The following CNTN4 variants were observed in gnomAD, a reference collection of about 807,000 sequenced individuals.
CNTN4 encodes the protein contactin 4.
In CNTN4, 77 loss-of-function variants were observed where a neutral mutation model predicts 122.5. The observed-to-expected ratio is 0.63, with a 90% CI of 0.52 to 0.76. CNTN4 has a LOEUF of 0.76. Among genes scored for constraint, CNTN4 ranks in the 30% least tolerant of loss-of-function variants. CNTN4 has a pLI of 0.00. For synonymous variants in CNTN4, 512 were observed against 447.0 expected (o/e 1.15, Z -1.83); for missense variants, 1,256 against 1,259.1 (o/e 1.00, Z 0.04).
At chr3:2,193,390 A>T (rs1168756755) in intron 2 of CNTN4, among the ~76,000 whole-genome samples, 1 of 152,176 alleles carries the variant, frequency 6.6e-6, no homozygotes, top group Non-Finnish European at 1.5e-5. Context: ...TCAGGGTGAT[A>T]GAAGGGACTA....
At chr3:2,708,276 C>T (rs2086862492) in intron 4 of CNTN4, among the ~76,000 whole-genome samples, 1 of 152,114 alleles carries the variant, frequency 6.6e-6, no homozygotes, top group Non-Finnish European at 1.5e-5. Flanking sequence ...AAGATATCTT[C>T]ATTTGCTGAT....
chr3:2,532,098 G>GTATTC (rs1262193419), intron 3 of CNTN4, among the ~76,000 whole-genome samples: 1 of 152,112 alleles, frequency 6.6e-6, no homozygotes, highest in African/African-American at 2.4e-5. Flanking sequence ...CCCTCAACCT[G>GTATTC]TATTCTTGTG....
chr3:3,014,743 T>C (rs1697578996), intron 14 of CNTN4, among the ~76,000 whole-genome samples: 1 of 151,896 alleles, frequency 6.6e-6, no homozygotes, highest in African/African-American at 2.4e-5. Context: ...TTAGATTAGA[T>C]CTAACTTTTA....
At chr3:2,175,700 C>G (rs1273600242) in intron 2 of CNTN4, among the ~76,000 whole-genome samples, 1 of 152,046 alleles carries the variant, frequency 6.6e-6, no homozygotes, top group Non-Finnish European at 1.5e-5. Flanking sequence ...GTCCCTGTCC[C>G]CAAAGGACTG....
intron 6 of CNTN4, among the ~76,000 whole-genome samples, chr3:2,803,270 T>C (rs1034023306): frequency 6.6e-6 from 1 of 152,104 alleles, no homozygotes; most frequent in African/African-American, 2.4e-5. Flanking sequence ...TAAACTAAAA[T>C]AGTAAGTATT....
chr3:2,606,383 C>G (rs555460071), intron 4 of CNTN4, among the ~76,000 whole-genome samples: 12 of 152,236 alleles, frequency 7.9e-5, no homozygotes, highest in African/African-American at 2.9e-4. Flanking sequence ...ACAGCTAACG[C>G]ATGCTCAGCT....
chr3:2,702,760 C>T (rs1269544744), intron 4 of CNTN4, among the ~76,000 whole-genome samples: 2 of 150,920 alleles, frequency 1.3e-5, no homozygotes, highest in Admixed American at 1.3e-4. Context: ...TTCATGTGCA[C>T]GTGAACTGTA....
At chr3:2,998,441 T>A (rs1357347345) in intron 14 of CNTN4, among the ~76,000 whole-genome samples, 1 of 152,134 alleles carries the variant, frequency 6.6e-6, no homozygotes, top group Non-Finnish European at 1.5e-5. Context: ...CCCAGGAATT[T>A]TCATTTTCAA....
At chr3:2,462,017 G>T (rs995725241) in intron 3 of CNTN4, among the ~76,000 whole-genome samples, 11 of 152,130 alleles carry the variant, frequency 7.2e-5, no homozygotes, top group Non-Finnish European at 1.2e-4. Context: ...TCACAACTTT[G>T]GGGGAGGGGA....
chr3:2,911,844 A>C (rs980364664), intron 12 of CNTN4, among the ~76,000 whole-genome samples: 6 of 152,224 alleles, frequency 3.9e-5, no homozygotes, highest in Non-Finnish European at 5.9e-5. Context: ...CAGACAGAAA[A>C]AAATAATCAG....
intron 6 of CNTN4, among the ~76,000 whole-genome samples, chr3:2,782,301 G>A (rs915715606): frequency 8.6e-5 from 13 of 151,602 alleles, no homozygotes; most frequent in African/African-American, 3.1e-4. Context: ...GTGGGGGGGG[G>A]CCTTAGAATT....
chr3:2,443,453 C>T (rs115933652), intron 3 of CNTN4, among the ~76,000 whole-genome samples: 140 of 152,316 alleles, frequency 9.2e-4, no homozygotes, highest in African/African-American at 3.3e-3. Context: ...GCCTTTCTCT[C>T]CCTTTAACCA....
At chr3:2,749,636 G>A (rs561025942) in intron 6 of CNTN4, among the ~76,000 whole-genome samples, 1 of 152,118 alleles carries the variant, frequency 6.6e-6, no homozygotes, top group Admixed American at 6.5e-5. Context: ...TTACGTGCCT[G>A]TTCAGTAACA....
intron 7 of CNTN4, among the ~76,000 whole-genome samples, chr3:2,863,652 G>C (rs557572872): frequency 6.6e-6 from 1 of 152,108 alleles, no homozygotes; most frequent in African/African-American, 2.4e-5. Flanking sequence ...AATTGGTACA[G>C]CGTTTCCCAA....
intron 3 of CNTN4, among the ~76,000 whole-genome samples, chr3:2,562,809 C>G (rs987860991): frequency 6.6e-6 from 1 of 151,896 alleles, no homozygotes; most frequent in Non-Finnish European, 1.5e-5. Flanking sequence ...CTGCAGACTC[C>G]AAATATTGAG....
chr3:2,545,127 T>C (rs182646864), intron 3 of CNTN4, among the ~76,000 whole-genome samples: 2 of 152,266 alleles, frequency 1.3e-5, no homozygotes, highest in Admixed American at 1.3e-4. Flanking sequence ...TTTCATTATC[T>C]ACCCAAAAGT....
At chr3:2,948,755 A>G (rs2094705453) in intron 13 of CNTN4, among the ~76,000 whole-genome samples, 2 of 152,180 alleles carry the variant, frequency 1.3e-5, no homozygotes, top group African/African-American at 4.8e-5. Context: ...GTGAGATACT[A>G]CATACACCAG....
chr3:2,326,102 T>G (rs2043444919), intron 2 of CNTN4, among the ~76,000 whole-genome samples: 1 of 152,178 alleles, frequency 6.6e-6, no homozygotes, highest in South Asian at 2.1e-4. Flanking sequence ...AAATTAACAT[T>G]TGAATTAGTA....
intron 3 of CNTN4, among the ~76,000 whole-genome samples, chr3:2,490,350 T>C (rs539052254): frequency 5.9e-5 from 9 of 152,322 alleles, no homozygotes; most frequent in African/African-American, 2.2e-4. Flanking sequence ...AGTCTCCAAC[T>C]ATGCTCAGCT....
Sources: allele counts gnomAD v4.1 joint callset (sites outside exome capture counted in the v4.1 genomes callset), GRCh38; gene constraint gnomAD v4.1.1; transcripts MANE v1.5; gene names NCBI Gene and HGNC (gene_info 2026-07-23, HGNC 2026-07-21).